The following ADAMTSL5 variants were observed in gnomAD, a reference collection of about 807,000 sequenced individuals.
The protein encoded by ADAMTSL5 is ADAMTS like 5.
A neutral mutation model predicts 51.7 loss-of-function variants in ADAMTSL5; 53 were observed. That is an observed-to-expected ratio of 1.03 (90% CI 0.82 to 1.29). The LOEUF (loss-of-function observed/expected upper bound fraction) is 1.29, where lower values mean the gene tolerates loss of function less well. Among genes scored for constraint, ADAMTSL5 ranks in the 50% most tolerant of loss-of-function variants. The probability of loss-of-function intolerance (pLI) is 0.00; values close to 1 mark genes in which losing one functional copy is unlikely to be tolerated. For missense variants in ADAMTSL5, 770 were observed against 676.2 expected (o/e 1.14, Z -1.54); for synonymous variants, 285 against 278.7 (o/e 1.02, Z -0.23).
chr19:1,508,627 C>G, intron 5 of ADAMTSL5, 57 bp from the exon 6 acceptor site: 1 of 1,448,798 alleles, frequency 6.9e-7, no homozygotes, highest in Non-Finnish European at 9.1e-7. Context: ...CAGTCCCCCT[C>G]TACCAAGCTT....
chr19:1,506,896 C>A lies in ADAMTSL5; in HGVS notation c.885G>T (p.Glu295Asp), dbSNP rs1395330326. 3 of 1,548,958 alleles carry A rather than the reference C, an allele frequency of 1.9e-6. No individual in the cohort carries two copies. In the South Asian group the frequency reaches 3.6e-5, roughly 18 times the overall value. Residue 295 changes from glutamate (E) to aspartate (D), a missense_variant, in exon 10 of 12, where the codon GAG becomes GAT. Transcript: ENST00000330475. This position sits in a 1 kb window ranked among gnomAD's most constrained non-coding sequence, Gnocchi z 5.6. ...VLLQEPNPGI[E>D]FEFWLPRERY... ...GCTCCCGAGGGAGCCAGAACTCAAA[C>A]TCGATGCCAGGGTTGGGCTCCTGCA...
At position 1,507,360 on chromosome 19, in the gene ADAMTSL5, ACCCAGTGCCC is replaced by A. The variant is rs1310152924; in HGVS notation, c.724_733del (p.Gly242TrpfsTer75). The A allele has an allele frequency of 6.3e-7, 1 of 1,583,604 alleles. No homozygotes were observed. The highest frequency in any genetic ancestry group is 1.8e-5 in the Admixed American group (1 of 56,816). On this transcript the variant is annotated frameshift_variant, in exon 9 of 12. Coordinates refer to ENST00000330475, the MANE Select transcript of ADAMTSL5 (RefSeq NM_213604.3). LOFTEE classifies it high-confidence loss of function. ...CTCGTAGGTCCCTGGTGGGCTGACC[ACCCAGTGCCC>A]ATTAAGCACGTAGCGCCCATCGCCC...
intron 5 of ADAMTSL5, chr19:1,509,036 G>A (rs112207132): frequency 0.13 from 19,304 of 152,218 alleles, 1,527 homozygotes; most frequent in East Asian, 0.38. Flanking sequence ...CCTGAGGCCA[G>A]GAGTTCAAGA....
rs1391130044 is a variant in ADAMTSL5, at chr19:1,505,368, AG to A, written c.*646del. On this transcript the variant is annotated 3_prime_UTR_variant, in exon 12 of 12. Transcript: ENST00000330475. ...AGGTGACAGAGCAAGGGTCTACCTC[AG>A]AAAAAAAAAAAAAGGAGGAGCAAGC... 3 of 125,586 alleles carry A rather than the reference AG, an allele frequency of 2.4e-5. No individual in the cohort carries two copies. Among genetic ancestry groups the A allele is most frequent in the African/African-American group, 8.7e-5 (3 of 34,652 alleles). The allele number at this position is 125,586 out of a possible 1,614,324, so 7.8% of individuals were successfully genotyped here.
In ADAMTSL5 at chr19:1,507,070, C is replaced by T. The variant is rs1041253447; in HGVS notation, c.853-142G>A. The T allele has an allele frequency of 1.4e-5, 18 of 1,264,300 alleles. No homozygotes were observed. In the East Asian group the frequency reaches 3.6e-4, roughly 25 times the overall value. 78.3% of individuals were successfully genotyped at this position (1,264,300 alleles called of 1,614,324 possible). A position where few individuals can be genotyped will look rare whatever the true frequency, so the allele number is the denominator to read the frequency against. On this transcript the variant is annotated intron_variant, in intron 9 of 11. Transcript: ENST00000330475. ...CTGATGCTCTGTCCCTAGCTGATCC[C>T]CTCTGACCCTGTCCCCACCCTCCCC...
chr19:1,505,728 ACTTT>A lies in ADAMTSL5; in HGVS notation c.*283_*286del. 2 of 388,822 alleles carry A rather than the reference ACTTT, an allele frequency of 5.1e-6. No individual in the cohort carries two copies. The highest frequency in any genetic ancestry group is 9.2e-6 in the Non-Finnish European group (2 of 216,520). 24.1% of individuals were successfully genotyped at this position (388,822 alleles called of 1,614,324 possible). On this transcript the variant is annotated 3_prime_UTR_variant, in exon 12 of 12. Transcript: ENST00000330475. ...GCAAAGAGAAAGAAAGCAGCGTTAA[ACTTT>A]CTGAGTATAAATAGCTATGAGCTTC... is the stretch of plus-strand genomic sequence containing the variant.
chr19:1,507,298 C>T lies in ADAMTSL5; in HGVS notation c.796G>A (p.Gly266Arg), dbSNP rs761551061. 3 of 1,586,744 alleles carry T rather than the reference C, an allele frequency of 1.9e-6. No individual in the cohort carries two copies. The highest frequency in any genetic ancestry group is 2.6e-6 in the Non-Finnish European group (3 of 1,165,976). The change falls in exon 9 of 12, where the codon GGG (glycine) becomes AGG (arginine). Residue 266 changes from glycine (G) to arginine (R), a missense_variant. Transcript: ENST00000330475. Reference sequence around the variant, plus strand: ...GCTGCTTGCAATGTCTCCTGGGGCCCTGTGTCTCGGGTGTAGACCACATGC... The same window carrying T: ...GCTGCTTGCAATGTCTCCTGGGGCCTTGTGTCTCGGGTGTAGACCACATGC... The part of the protein sequence containing the change: ...GTHVVYTRDT[G>R]PQETLQAAGP...
chr19:1,512,397 G>A (rs1913305755), intron 1 of ADAMTSL5, among the ~76,000 whole-genome samples: 1 of 152,144 alleles, frequency 6.6e-6, no homozygotes, highest in South Asian at 2.1e-4. Flanking sequence ...CAAGGGGAGG[G>A]GGGCCAGGTG....
At chr19:1,510,317 C>A (rs1377306764) in intron 4 of ADAMTSL5, 51 bp downstream of exon 4, 1 of 1,613,044 alleles carries the variant, frequency 6.2e-7, no homozygotes, top group African/African-American at 1.3e-5. Flanking sequence ...AGGTGGTGGG[C>A]TTCAGGCAGT....
At chr19:1,512,753 C>G (rs1407184785) in intron 1 of ADAMTSL5, among the ~76,000 whole-genome samples, 4 of 152,118 alleles carry the variant, frequency 2.6e-5, no homozygotes, top group Admixed American at 2.6e-4. Context: ...GGACTCTAAG[C>G]CTGGTTTGAG....
chr19:1,510,092 A>G, intron 5 of ADAMTSL5, 58 bp downstream of exon 5: 1 of 1,381,230 alleles, frequency 7.2e-7, no homozygotes, highest in Non-Finnish European at 1.0e-6. Flanking sequence ...CCTCTCCCTG[A>G]GACTAATGAG....
intron 1 of ADAMTSL5, among the ~76,000 whole-genome samples, chr19:1,512,548 T>C (rs766646240): frequency 9.2e-4 from 140 of 152,226 alleles, no homozygotes; most frequent in Non-Finnish European, 4.0e-4. Flanking sequence ...GGTGTGGTGG[T>C]GCACACCTGT....
chr19:1,510,573 G>T, intron 3 of ADAMTSL5, 66 bp downstream of exon 3: 1 of 1,467,366 alleles, frequency 6.8e-7, no homozygotes, highest in Non-Finnish European at 9.1e-7. Flanking sequence ...GGCCGAGGGT[G>T]CGGCCAGGGG....
rs1402523557 is a variant in ADAMTSL5, at chr19:1,505,721, GC to G, written c.*293del. 1 of 373,324 alleles carries G rather than the reference GC, an allele frequency of 2.7e-6. No homozygotes were observed. The allele number at this position is 373,324 out of a possible 1,614,324, so 23.1% of individuals were successfully genotyped here. A position where few individuals can be genotyped will look rare whatever the true frequency, so the allele number is the denominator to read the frequency against. On this transcript the variant is annotated 3_prime_UTR_variant, in exon 12 of 12. Coordinates refer to ENST00000330475, the MANE Select transcript of ADAMTSL5 (RefSeq NM_213604.3). Reference sequence around the variant, plus strand: ...GACGCGCGCAAAGAGAAAGAAAGCAGCGTTAAACTTTCTGAGTATAAATAGC... The same window carrying G: ...GACGCGCGCAAAGAGAAAGAAAGCAGGTTAAACTTTCTGAGTATAAATAGC...
rs1366512261 is a variant in ADAMTSL5, at chr19:1,510,711, G to A, written c.119C>T (p.Pro40Leu). The A allele has an allele frequency of 3.9e-6, 6 of 1,542,140 alleles. No homozygotes were observed. Among genetic ancestry groups the A allele is most frequent in the South Asian group, 1.2e-5 (1 of 83,362 alleles). ...GGAGCAGCGGGTCCAGGACACCCAC[G>A]GGGTCCACTCGCCCGGACCCTACTT... ...VSAQGPGEWTPWVSWTRCSSS... is the reference protein window; with the variant it reads ...VSAQGPGEWTLWVSWTRCSSS... Residue 40 changes from proline to leucine, a missense_variant, in exon 3 of 12, where the codon CCG (proline) becomes CTG (leucine). Physicochemically the swap from Pro to Leu is moderately conservative, Grantham distance 98 (BLOSUM62 -3). Transcript: ENST00000330475.
rs1912870070 is a variant in ADAMTSL5, at chr19:1,505,472, A to T, written c.*543T>A. 6.6e-6 allele frequency: 1 copy of T among 151,866 alleles called. No homozygotes were observed. Among genetic ancestry groups the T allele is most frequent in the Non-Finnish European group, 1.5e-5 (1 of 68,072 alleles). 9.4% of individuals were successfully genotyped at this position (151,866 alleles called of 1,614,324 possible). A position where few individuals can be genotyped will look rare whatever the true frequency, so the allele number is the denominator to read the frequency against. On this transcript the variant is annotated 3_prime_UTR_variant, in exon 12 of 12. Coordinates refer to ENST00000330475, the MANE Select transcript of ADAMTSL5 (RefSeq NM_213604.3). ...CTCCGAGTTTCCTGGTAGCCAGGGG[A>T]AAAGGGGAAATTGGTACGTTGGTAC...
intron 3 of ADAMTSL5, 75 bp from the exon 4 acceptor site, chr19:1,510,503 C>A: frequency 1.3e-6 from 2 of 1,517,206 alleles, no homozygotes; most frequent in Non-Finnish European, 1.8e-6. Context: ...TCCGCCCCCG[C>A]CAACCCCACC....
Position 1,506,577 on chromosome 19 carries a change from T to G in ADAMTSL5, c.1114+13A>C. 6.2e-7 allele frequency: 1 copy of G among 1,608,604 alleles called. No individual in the cohort carries two copies. Among genetic ancestry groups the G allele is most frequent in the Non-Finnish European group, 8.5e-7 (1 of 1,178,260 alleles). On this transcript the variant is annotated intron_variant, in intron 11 of 11. Transcript: ENST00000330475. This position sits in a 1 kb window ranked among gnomAD's most constrained non-coding sequence, Gnocchi z 5.6. The stretch of plus-strand genomic sequence containing the variant: ...AGTAGGGGCTAAGTCAGGGTAGAGG[T>G]CGGGGGTCTCACCAAAGTCACTGCC...
chr19:1,507,133 C>A, intron 9 of ADAMTSL5, 109 bp downstream of exon 9: 1 of 1,433,188 alleles, frequency 7.0e-7, no homozygotes. Flanking sequence ...CCTCTGACCC[C>A]AGACTCCCCC....
Sources: gnomAD v4.1 joint callset for allele counts (sites outside exome capture counted in the v4.1 genomes callset) on GRCh38, gnomAD v4.1.1 for gene constraint, Gnocchi (gnomAD v3.1) non-coding constraint, MANE v1.5 for transcripts, NCBI Gene and HGNC (gene_info 2026-07-23, HGNC 2026-07-21) for gene names.